The following SRGAP3 variants were observed in gnomAD, a reference collection of about 807,000 sequenced individuals.
SRGAP3 encodes the protein SLIT-ROBO Rho GTPase activating protein 3.
A neutral mutation model predicts 121.1 loss-of-function variants in SRGAP3; 39 were observed. That is an observed-to-expected ratio of 0.32 (90% CI 0.25 to 0.42). The LOEUF (loss-of-function observed/expected upper bound fraction) is 0.42, where lower values mean the gene tolerates loss of function less well. SRGAP3 is among the 10% of genes least tolerant of loss of function. SRGAP3 has a pLI of 1.00. For missense variants in SRGAP3, 1,213 were observed against 1,470.6 expected, an observed-to-expected ratio of 0.82 and a Z score of 2.86; for synonymous variants, 601 against 570.0, an observed-to-expected ratio of 1.05 and a Z score of -0.77.
chr3:9,206,572 C>A (rs927633478), intron 1 of SRGAP3, among the ~76,000 whole-genome samples: 5 of 152,162 alleles, frequency 3.3e-5, no homozygotes, highest in African/African-American at 1.2e-4. Context: ...GGTGCTCCTG[C>A]CACAGCAGCC....
intron 1 of SRGAP3, chr3:9,193,713 T>C (rs937120083): frequency 1.3e-5 from 2 of 152,332 alleles, no homozygotes; most frequent in Non-Finnish European, 2.9e-5. Context: ...AGCTGCACTT[T>C]ATGCATTTCC....
At chr3:9,026,452 G>C (rs1212043036) in intron 13 of SRGAP3, among the ~76,000 whole-genome samples, 2 of 152,208 alleles carry the variant, frequency 1.3e-5, no homozygotes, top group African/African-American at 4.8e-5. Flanking sequence ...GAATGAACGA[G>C]TGGATAAGCA....
intron 1 of SRGAP3, among the ~76,000 whole-genome samples, chr3:9,154,162 C>A (rs1253881666): frequency 6.6e-6 from 1 of 152,168 alleles, no homozygotes; most frequent in African/African-American, 2.4e-5. Context: ...AAAGCCCTGG[C>A]TGACACATGA....
chr3:9,130,909 C>T (rs967759462), intron 1 of SRGAP3, among the ~76,000 whole-genome samples: 2 of 152,204 alleles, frequency 1.3e-5, no homozygotes, highest in African/African-American at 2.4e-5. Flanking sequence ...AGAGCAACCT[C>T]CCCCAGTTCA....
upstream of SRGAP3, among the ~76,000 whole-genome samples, chr3:9,251,232 A>G (rs1427964595): frequency 1.3e-5 from 2 of 152,158 alleles, no homozygotes; most frequent in Non-Finnish European, 2.9e-5. Context: ...TGGAGCAACG[A>G]CAGGGAGAAG....
At chr3:9,088,699 G>A (rs1055020551) in intron 3 of SRGAP3, among the ~76,000 whole-genome samples, 5 of 152,200 alleles carry the variant, frequency 3.3e-5, no homozygotes, top group Admixed American at 2.6e-4. Flanking sequence ...TCTCTGGCCT[G>A]CAGACATGTT....
At chr3:9,259,919 G>A (rs184833084) in intron 3 of SRGAP3, among the ~76,000 whole-genome samples, 60 of 151,842 alleles carry the variant, frequency 4.0e-4, no homozygotes, top group African/African-American at 1.0e-3. Flanking sequence ...CCAAGAAGAC[G>A]GGTGACTTCT....
At chr3:9,043,365 T>C (rs944927921) in intron 10 of SRGAP3, among the ~76,000 whole-genome samples, 2 of 152,146 alleles carry the variant, frequency 1.3e-5, no homozygotes, top group Admixed American at 6.5e-5. Flanking sequence ...GAGGTCTCTC[T>C]TTTCCATGAG....
At chr3:9,128,910 T>C (rs1949339282) in intron 1 of SRGAP3, among the ~76,000 whole-genome samples, 1 of 152,148 alleles carries the variant, frequency 6.6e-6, no homozygotes, top group African/African-American at 2.4e-5. Context: ...CGGGTATTGA[T>C]GGAGAGAGGG....
rs548287034 is a variant in SRGAP3 at position 9,092,733 on chromosome 3, C to T, written c.423+11947G>A. Among the ~76,000 whole-genome samples, 3 of 152,332 alleles carry T rather than the reference C, an allele frequency of 2.0e-5. No homozygotes were observed. In the East Asian group the frequency reaches 5.8e-4, roughly 29 times the overall value. ...AGAAAGCATATTGATATTTACAAGG[C>T]TCTGCTTTAGATCATCATAAATGTC... is the stretch of plus-strand genomic sequence containing the variant. On this transcript the variant is annotated intron_variant, in intron 3 of 21. Coordinates refer to ENST00000383836, the MANE Select transcript of SRGAP3 (RefSeq NM_014850.4).
At chr3:9,117,030 A>G (rs1274713625) in intron 2 of SRGAP3, among the ~76,000 whole-genome samples, 3 of 152,224 alleles carry the variant, frequency 2.0e-5, no homozygotes, top group Non-Finnish European at 4.4e-5. Context: ...CCAAACAATC[A>G]GGAAAGATCC....
chr3:8,986,732 A>T (rs1359185565), intron 21 of SRGAP3, among the ~76,000 whole-genome samples: 4 of 144,624 alleles, frequency 2.8e-5, no homozygotes, highest in South Asian at 4.2e-4. Context: ...TAATCAGAAA[A>T]TTTTTTTAAA....
At chr3:9,075,294 ATGTG>A (rs1344861925) in intron 4 of SRGAP3, among the ~76,000 whole-genome samples, 1 of 152,218 alleles carries the variant, frequency 6.6e-6, no homozygotes, top group African/African-American at 2.4e-5. Flanking sequence ...GCTTGCATAT[ATGTG>A]TATGTACATA....
intron 1 of SRGAP3, among the ~76,000 whole-genome samples, chr3:9,361,248 G>A (rs914233070): frequency 1.3e-5 from 2 of 152,030 alleles, no homozygotes; most frequent in Admixed American, 6.6e-5. Context: ...GACTACAGGT[G>A]AGTGTCACCA....
In SRGAP3 at chr3:9,060,201, G is replaced by A; in HGVS notation, c.801+30C>T. 6.2e-7 allele frequency: 1 copy of A among 1,613,498 alleles called. No individual in the cohort carries two copies. Reference sequence around the variant, plus strand: ...ATGTGCCAGCCCTGGTGTGGGCCCTGCTCAGTCCCAGACTCCCCAGGGAGC... The same window carrying A: ...ATGTGCCAGCCCTGGTGTGGGCCCTACTCAGTCCCAGACTCCCCAGGGAGC... On this transcript the variant is annotated intron_variant, in intron 6 of 21. Coordinates refer to ENST00000383836, the MANE Select transcript of SRGAP3 (RefSeq NM_014850.4).
intron 1 of SRGAP3, among the ~76,000 whole-genome samples, chr3:9,199,085 C>A (rs1239222707): frequency 6.6e-6 from 1 of 152,160 alleles, no homozygotes; most frequent in Non-Finnish European, 1.5e-5. Context: ...CCTTTTTAAG[C>A]CAGCTATCTC....
intron 1 of SRGAP3, among the ~76,000 whole-genome samples, chr3:9,195,959 A>G (rs748880424): frequency 2.6e-5 from 4 of 152,180 alleles, no homozygotes; most frequent in African/African-American, 9.7e-5. Context: ...CTGTCTCCAA[A>G]AAAAACAACA....
intron 1 of SRGAP3, among the ~76,000 whole-genome samples, chr3:9,177,014 C>T (rs774359615): frequency 7.2e-5 from 11 of 152,218 alleles, no homozygotes; most frequent in Non-Finnish European, 1.6e-4. Context: ...CATGACCTTG[C>T]TGCTAATGCC....
chr3:9,343,126 C>T (rs1241278351), intron 1 of SRGAP3, among the ~76,000 whole-genome samples: 2 of 152,216 alleles, frequency 1.3e-5, no homozygotes, highest in Non-Finnish European at 1.5e-5. Flanking sequence ...CAGTCTGATC[C>T]TCCTCTCATA....
Sources: gnomAD v4.1 joint callset for allele counts (sites outside exome capture counted in the v4.1 genomes callset) on GRCh38, gnomAD v4.1.1 for gene constraint, MANE v1.5 for transcripts, NCBI Gene and HGNC (gene_info 2026-07-23, HGNC 2026-07-21) for gene names.